Variants in TMC5 observed in about 807,000 individuals in gnomAD.
TMC5 encodes the protein transmembrane channel like 5, also known as transmembrane channel-like protein 5.
A neutral mutation model predicts 110.5 loss-of-function variants in TMC5; 86 were observed. That is an observed-to-expected ratio of 0.78 (90% CI 0.65 to 0.93). The LOEUF (loss-of-function observed/expected upper bound fraction) is 0.93. Ranked by LOEUF, TMC5 falls within the 40% of genes least tolerant of loss-of-function variation. The pLI is 0.00. For missense variants in TMC5, 1,144 were observed against 1,222.8 expected (o/e 0.94, Z 0.96); for synonymous variants, 455 against 439.5 (o/e 1.04, Z -0.44).
intron 1 of TMC5, among the ~76,000 whole-genome samples, chr16:19,423,313 C>A (rs530512923): frequency 6.6e-6 from 1 of 152,330 alleles, no homozygotes; most frequent in Admixed American, 6.5e-5. Flanking sequence ...CAGTAGCACA[C>A]TCACTGCAGT....
chr16:19,435,474 C>T (rs973366839), intron 2 of TMC5, among the ~76,000 whole-genome samples: 1 of 151,886 alleles, frequency 6.6e-6, no homozygotes, highest in Non-Finnish European at 1.5e-5. Context: ...TGGACTCCAG[C>T]CTGGGCGCAG....
chr16:19,477,986 G>T (rs1968529698), intron 13 of TMC5, among the ~76,000 whole-genome samples: 1 of 152,064 alleles, frequency 6.6e-6, no homozygotes, highest in African/African-American at 2.4e-5. Context: ...ATAAATGCTG[G>T]CAGTAACAAT....
At chr16:19,496,299 T>C (rs1969051746) in intron 20 of TMC5, among the ~76,000 whole-genome samples, 1 of 152,200 alleles carries the variant, frequency 6.6e-6, no homozygotes, top group African/African-American at 2.4e-5. Flanking sequence ...AATATAAAGA[T>C]ACATGAAACC....
intron 11 of TMC5, among the ~76,000 whole-genome samples, chr16:19,473,554 A>G (rs930573392): frequency 6.6e-6 from 1 of 152,050 alleles, no homozygotes; most frequent in African/African-American, 2.4e-5. Context: ...GTTCGAGCTC[A>G]GGCTCCTGAG....
intron 2 of TMC5, among the ~76,000 whole-genome samples, chr16:19,438,004 A>C (rs1343886259): frequency 2.0e-5 from 3 of 152,178 alleles, no homozygotes; most frequent in African/African-American, 7.2e-5. Flanking sequence ...CTGACCAGCC[A>C]GTCAGGAGTA....
chr16:19,473,937 G>A (rs907090698), intron 11 of TMC5, among the ~76,000 whole-genome samples, 188 bp from the exon 12 acceptor site: 12 of 152,104 alleles, frequency 7.9e-5, no homozygotes, highest in Non-Finnish European at 1.8e-4. Flanking sequence ...CTGAGATCGC[G>A]CCACTGCAGT....
intron 11 of TMC5, among the ~76,000 whole-genome samples, chr16:19,472,695 A>G (rs1968374306): frequency 6.6e-6 from 1 of 152,074 alleles, no homozygotes; most frequent in African/African-American, 2.4e-5. Context: ...TCATGTGATC[A>G]TCTCTCCATT....
chr16:19,438,402 A>AG (rs1967396455), intron 2 of TMC5, among the ~76,000 whole-genome samples: 3 of 140,160 alleles, frequency 2.1e-5, no homozygotes, highest in African/African-American at 8.2e-5. Flanking sequence ...AAAAAAAAAA[A>AG]AAAAAAGAAG....
intron 11 of TMC5, among the ~76,000 whole-genome samples, chr16:19,472,928 A>G (rs571307175): frequency 6.6e-6 from 1 of 152,172 alleles, no homozygotes; most frequent in South Asian, 2.1e-4. Flanking sequence ...ATTCATTGGA[A>G]TCCCTGACTC....
At chr16:19,469,940 G>A in intron 10 of TMC5, 115 bp downstream of exon 10, 2 of 1,220,302 alleles carry the variant, frequency 1.6e-6, no homozygotes, top group South Asian at 2.9e-5. Flanking sequence ...TGTCGCCCAG[G>A]CTGGAGTGCA....
At chr16:19,430,981 C>T (rs1360550634) in intron 2 of TMC5, among the ~76,000 whole-genome samples, 3 of 151,730 alleles carry the variant, frequency 2.0e-5, no homozygotes, top group Non-Finnish European at 4.4e-5. Flanking sequence ...GCCTCAGCCT[C>T]CTGAGTACCT....
intron 20 of TMC5, among the ~76,000 whole-genome samples, chr16:19,495,008 A>ATTTT (rs1226858039): frequency 1.9e-4 from 7 of 37,136 alleles, no homozygotes; most frequent in African/African-American, 5.0e-4. Flanking sequence ...TTCAGTGTCT[A>ATTTT]TTCTTTTTTT....
intron 8 of TMC5, among the ~76,000 whole-genome samples, chr16:19,465,084 C>T (rs1212578124): frequency 1.1e-5 from 1 of 91,416 alleles, no homozygotes; most frequent in African/African-American, 4.0e-5. Flanking sequence ...TTCCTTCCTT[C>T]CTTCCTTCCT....
chr16:19,487,981 G>C (rs1037711605), intron 17 of TMC5: 1 of 152,882 alleles, frequency 6.5e-6, no homozygotes, highest in East Asian at 1.9e-4. Context: ...CAGGTTTAGG[G>C]TTGGCTGGTT....
At position 19,456,415 on chromosome 16, in the gene TMC5, A is replaced by C. The variant is rs539360089; in HGVS notation, c.1049-3820A>C. On this transcript the variant is annotated intron_variant, in intron 5 of 21. Coordinates refer to ENST00000542583, the MANE Select transcript of TMC5 (RefSeq NM_001261841.2). ...CTAGAATCCCATTGTCTTAAATGAA[A>C]GATTCTGTTTTCGATTTCTTGCCTA... The C allele has an allele frequency of 1.0e-5, 11 of 1,048,412 alleles. No homozygotes were observed. The African/African-American group carries it at 1.8e-4, about 17-fold the overall frequency. 64.9% of individuals were successfully genotyped at this position (1,048,412 alleles called of 1,614,324 possible).
chr16:19,457,828 A>T (rs962902903), intron 5 of TMC5, among the ~76,000 whole-genome samples: 3 of 138,290 alleles, frequency 2.2e-5, no homozygotes, highest in Admixed American at 8.4e-5. Flanking sequence ...GGTTTAAGTG[A>T]TTCTCATGCC....
At chr16:19,419,286 T>G (rs1966924276) in intron 1 of TMC5, among the ~76,000 whole-genome samples, 1 of 151,386 alleles carries the variant, frequency 6.6e-6, no homozygotes, top group African/African-American at 2.5e-5. Flanking sequence ...TAGTGCTGTC[T>G]TCATGCTTAT....
chr16:19,489,137 T>C (rs1968822360), intron 17 of TMC5, among the ~76,000 whole-genome samples: 2 of 151,992 alleles, frequency 1.3e-5, no homozygotes, highest in South Asian at 2.1e-4. Context: ...TGCTCATTCC[T>C]CCATAGCTAA....
intron 17 of TMC5, among the ~76,000 whole-genome samples, chr16:19,489,446 T>C (rs1213045280): frequency 1.3e-5 from 2 of 152,128 alleles, no homozygotes; most frequent in African/African-American, 2.4e-5. Flanking sequence ...GCCCTTCTCC[T>C]GCCTCAGCCT....
Sources: allele counts gnomAD v4.1 joint callset (sites outside exome capture counted in the v4.1 genomes callset), GRCh38; gene constraint gnomAD v4.1.1; transcripts MANE v1.5; gene names NCBI Gene and HGNC (gene_info 2026-07-23, HGNC 2026-07-21).